Variants in PHF24 observed in about 807,000 individuals in gnomAD.
PHF24 encodes the protein Galpha inhibitory interacting protein.
A neutral mutation model predicts 42.6 loss-of-function variants in PHF24; 25 were observed. That is an observed-to-expected ratio of 0.59 (90% CI 0.43 to 0.82). The LOEUF is 0.82. PHF24 is among the 40% of genes least tolerant of loss of function. PHF24 has a pLI of 0.00. For synonymous variants in PHF24, 185 were observed against 204.8 expected, an observed-to-expected ratio of 0.90 and a Z score of 0.83; for missense variants, 470 against 538.1, an observed-to-expected ratio of 0.87 and a Z score of 1.25.
At chr9:34,691,489 G>A in the PHF24 span, among the ~76,000 whole-genome samples, 2 of 152,198 alleles carry the variant, frequency 1.3e-5, no homozygotes, top group Admixed American at 1.3e-4. Context: ...GCCCAGTAAA[G>A]GGGGCTGTGC....
the PHF24 span, among the ~76,000 whole-genome samples, chr9:34,798,359 C>G: frequency 6.6e-6 from 1 of 152,008 alleles, no homozygotes; most frequent in African/African-American, 2.4e-5. Context: ...CAGCCCTTGC[C>G]CCTCTCCCTC....
the PHF24 span, among the ~76,000 whole-genome samples, chr9:34,676,327 C>T: frequency 6.6e-6 from 1 of 152,136 alleles, no homozygotes; most frequent in African/African-American, 2.4e-5. Context: ...AGTTCAAGAC[C>T]AGCCTAGGCA....
chr9:34,934,818 A>T, the PHF24 span, among the ~76,000 whole-genome samples: 1 of 152,204 alleles, frequency 6.6e-6, no homozygotes. Flanking sequence ...GTGCTGAATA[A>T]TGTAGCAGTC....
the PHF24 span, among the ~76,000 whole-genome samples, chr9:34,683,416 A>G: frequency 6.6e-6 from 1 of 151,844 alleles, no homozygotes; most frequent in South Asian, 2.1e-4. Flanking sequence ...GAATTCTTGA[A>G]CTCCTTGGAG....
At chr9:34,667,799 GAA>G in the PHF24 span, among the ~76,000 whole-genome samples, 1 of 152,200 alleles carries the variant, frequency 6.6e-6, no homozygotes, top group Non-Finnish European at 1.5e-5. Flanking sequence ...GAGTCAGAGA[GAA>G]TGGAGCCATA....
the PHF24 span, chr9:34,833,375 T>C: frequency 6.4e-7 from 1 of 1,551,066 alleles, no homozygotes; most frequent in Non-Finnish European, 8.7e-7. Context: ...GGATTGCTTT[T>C]GGTTCTGCTG....
At chr9:34,962,267 C>T (rs1031599371) in intron 1 of PHF24, among the ~76,000 whole-genome samples, 2 of 152,190 alleles carry the variant, frequency 1.3e-5, no homozygotes, top group African/African-American at 4.8e-5. Context: ...TTCTATCTAG[C>T]CCCCAGGCTG....
At chr9:34,944,474 C>T in the PHF24 span, among the ~76,000 whole-genome samples, 4 of 152,234 alleles carry the variant, frequency 2.6e-5, no homozygotes, top group Non-Finnish European at 5.9e-5. Flanking sequence ...GGTAGAGCCC[C>T]TGAGAGGGCC....
the PHF24 span, among the ~76,000 whole-genome samples, chr9:34,911,245 C>CTTTTCT: frequency 1.3e-4 from 20 of 151,544 alleles, no homozygotes; most frequent in South Asian, 1.0e-3. Context: ...GTTTTCTTTT[C>CTTTTCT]TTTTCTTTTT....
chr9:34,794,597 T>C, the PHF24 span, among the ~76,000 whole-genome samples: 1 of 151,998 alleles, frequency 6.6e-6, no homozygotes, highest in Non-Finnish European at 1.5e-5. Context: ...CAAGTAAGAA[T>C]AGAACATCTC....
chr9:34,699,197 A>G, the PHF24 span, among the ~76,000 whole-genome samples: 3 of 152,206 alleles, frequency 2.0e-5, no homozygotes, highest in African/African-American at 4.8e-5. Context: ...TTGGACTCCT[A>G]CTTGTGTTGT....
chr9:34,773,859 G>A, the PHF24 span, among the ~76,000 whole-genome samples: 4 of 152,202 alleles, frequency 2.6e-5, no homozygotes, highest in Non-Finnish European at 5.9e-5. Context: ...AGAGGAACCT[G>A]AGGATTTATG....
chr9:34,680,029 T>C, the PHF24 span, among the ~76,000 whole-genome samples: 2 of 152,162 alleles, frequency 1.3e-5, no homozygotes, highest in Non-Finnish European at 2.9e-5. Flanking sequence ...AGATAATAAA[T>C]TTGAGTTATT....
chr9:34,774,475 G>A, the PHF24 span, among the ~76,000 whole-genome samples: 1 of 152,098 alleles, frequency 6.6e-6, no homozygotes, highest in South Asian at 2.1e-4. Context: ...AGAAGATATA[G>A]AAATAAGCCA....
chr9:34,878,401 T>C, the PHF24 span, among the ~76,000 whole-genome samples: 1 of 151,890 alleles, frequency 6.6e-6, no homozygotes, highest in Non-Finnish European at 1.5e-5. Flanking sequence ...GAGTGTGAGT[T>C]GAAGCAGGGC....
chr9:34,977,210 A>G lies in PHF24; in HGVS notation c.977A>G (p.Lys326Arg), dbSNP rs573160141. ...CGGGCCCAGCACTCTTGGTTTTGCAAACGGTTCCCAGAGGCTCCTTCCTGC... is the reference window on the plus strand; with the variant it reads ...CGGGCCCAGCACTCTTGGTTTTGCAGACGGTTCCCAGAGGCTCCTTCCTGC... Residue 326 changes from lysine (K) to arginine (R), a missense_variant, in exon 6 of 8, where the codon AAA becomes AGA. Coordinates refer to ENST00000242315, the Ensembl canonical transcript of PHF24. 1.5e-5 allele frequency: 24 copies of G among 1,612,570 alleles called. No individual in the cohort carries two copies. The East Asian group carries it at 2.9e-4, about 19-fold the overall frequency.
At chr9:34,741,238 G>A in the PHF24 span, among the ~76,000 whole-genome samples, 3 of 150,506 alleles carry the variant, frequency 2.0e-5, no homozygotes, top group South Asian at 2.1e-4. Flanking sequence ...ACACACACAC[G>A]TATATATATA....
the PHF24 span, among the ~76,000 whole-genome samples, chr9:34,801,555 G>A: frequency 1.3e-5 from 2 of 152,060 alleles, no homozygotes; most frequent in South Asian, 4.1e-4. Flanking sequence ...GTGAAACCCT[G>A]TCTCTACTAA....
At chr9:34,777,632 G>T in the PHF24 span, among the ~76,000 whole-genome samples, 1 of 152,170 alleles carries the variant, frequency 6.6e-6, no homozygotes, top group Non-Finnish European at 1.5e-5. Flanking sequence ...GCAAAGTAGT[G>T]CTTTGCTCAT....
Sources: gnomAD v4.1 joint callset for allele counts (sites outside exome capture counted in the v4.1 genomes callset) on GRCh38, gnomAD v4.1.1 for gene constraint, MANE v1.5 for transcripts, NCBI Gene and HGNC (gene_info 2026-07-23, HGNC 2026-07-21) for gene names.